Variants in ROBO2 observed in about 807,000 individuals in gnomAD.
ROBO2 encodes the protein roundabout homolog 2.
In ROBO2, 53 loss-of-function variants were observed where a neutral mutation model predicts 160.8. That is an observed-to-expected ratio of 0.33 (90% CI 0.26 to 0.41). The LOEUF is 0.41. Ranked by LOEUF, ROBO2 falls within the 10% of genes least tolerant of loss-of-function variation. The pLI is 1.00. For missense variants in ROBO2, 1,577 were observed against 1,722.4 expected (o/e 0.92, Z 1.49); for synonymous variants, 664 against 611.7 (o/e 1.09, Z -1.26).
At chr3:77,176,471 G>C (rs1181061565) in intron 2 of ROBO2, among the ~76,000 whole-genome samples, 1 of 151,904 alleles carries the variant, frequency 6.6e-6, no homozygotes, top group Non-Finnish European at 1.5e-5. Flanking sequence ...TTGATCAGGT[G>C]TTCACATATG....
At chr3:77,250,504 G>A (rs971798213) in intron 2 of ROBO2, among the ~76,000 whole-genome samples, 2 of 152,198 alleles carry the variant, frequency 1.3e-5, no homozygotes, top group African/African-American at 2.4e-5. Flanking sequence ...CAAAGTCTGT[G>A]TGTGCCATGA....
At chr3:77,318,774 A>G (rs1209610208) in intron 2 of ROBO2, among the ~76,000 whole-genome samples, 1 of 152,136 alleles carries the variant, frequency 6.6e-6, no homozygotes, top group Non-Finnish European at 1.5e-5. Context: ...TGTAAGTTGT[A>G]AGTGCTACCA....
intron 2 of ROBO2, among the ~76,000 whole-genome samples, chr3:76,975,873 A>T (rs963056563): frequency 6.6e-5 from 10 of 152,148 alleles, no homozygotes; most frequent in African/African-American, 2.2e-4. Flanking sequence ...TGTAAATTAT[A>T]TACATATATT....
At chr3:76,517,953 T>G (rs989854732) in intron 2 of ROBO2, among the ~76,000 whole-genome samples, 13 of 152,272 alleles carry the variant, frequency 8.5e-5, no homozygotes, top group African/African-American at 3.1e-4. Flanking sequence ...GTTCTGATGT[T>G]TATCATTCCA....
intron 2 of ROBO2, among the ~76,000 whole-genome samples, chr3:76,734,870 T>G (rs2107917212): frequency 6.6e-6 from 1 of 152,358 alleles, no homozygotes; most frequent in South Asian, 2.1e-4. Flanking sequence ...TGAATTCATC[T>G]ACTCCATTTT....
At chr3:77,081,087 G>T (rs757272738) in intron 1 of ROBO2, among the ~76,000 whole-genome samples, 1 of 151,994 alleles carries the variant, frequency 6.6e-6, no homozygotes, top group Non-Finnish European at 1.5e-5. Flanking sequence ...TGACATCTAT[G>T]GGCTAGTTTA....
chr3:75,951,596 A>G (rs1948537839), intron 2 of ROBO2, among the ~76,000 whole-genome samples: 1 of 152,044 alleles, frequency 6.6e-6, no homozygotes, highest in Admixed American at 6.6e-5. Context: ...AAATTAGCCT[A>G]AGTTAAGTTT....
At chr3:77,293,258 A>T (rs533353037) in intron 2 of ROBO2, among the ~76,000 whole-genome samples, 1 of 151,586 alleles carries the variant, frequency 6.6e-6, no homozygotes, top group Admixed American at 6.6e-5. Flanking sequence ...ATTGACGGTT[A>T]TACAGGTAAG....
intron 2 of ROBO2, among the ~76,000 whole-genome samples, chr3:76,246,279 A>G (rs528535757): frequency 1.3e-5 from 2 of 152,254 alleles, no homozygotes; most frequent in East Asian, 3.9e-4. Context: ...TTAATTTGCA[A>G]TGATTTCAGT....
At chr3:77,059,751 G>C (rs925317656) in intron 1 of ROBO2, among the ~76,000 whole-genome samples, 3 of 152,070 alleles carry the variant, frequency 2.0e-5, no homozygotes, top group African/African-American at 7.2e-5. Flanking sequence ...ATCACTCTCT[G>C]TCACTGTCTT....
chr3:76,923,476 T>G (rs1403538358), intron 2 of ROBO2, among the ~76,000 whole-genome samples: 1 of 152,172 alleles, frequency 6.6e-6, no homozygotes, highest in Non-Finnish European at 1.5e-5. Context: ...ATTAGCAAAA[T>G]AGAGTCTCTA....
intron 2 of ROBO2, among the ~76,000 whole-genome samples, chr3:76,305,979 G>A (rs749832094): frequency 5.3e-5 from 8 of 152,066 alleles, no homozygotes; most frequent in African/African-American, 7.2e-5. Context: ...CCTGTGCATC[G>A]CAGGGTGTGT....
intron 2 of ROBO2, among the ~76,000 whole-genome samples, chr3:76,064,956 C>T (rs914507595): frequency 1.3e-5 from 2 of 151,828 alleles, no homozygotes; most frequent in African/African-American, 4.8e-5. Flanking sequence ...ATATCTTTAT[C>T]ACAGGAGTAT....
intron 2 of ROBO2, among the ~76,000 whole-genome samples, chr3:76,398,535 C>T (rs2077613648): frequency 6.6e-6 from 1 of 151,438 alleles, no homozygotes. Context: ...ACGATCTTCC[C>T]CTGGCAATTT....
At chr3:77,484,091 T>G (rs1209629610) in intron 4 of ROBO2, among the ~76,000 whole-genome samples, 1 of 152,022 alleles carries the variant, frequency 6.6e-6, no homozygotes, top group Admixed American at 6.6e-5. Context: ...AATCACATAT[T>G]GTGGTTGATC....
chr3:77,217,503 C>T (rs1424209900), intron 2 of ROBO2, among the ~76,000 whole-genome samples: 1 of 152,182 alleles, frequency 6.6e-6, no homozygotes, highest in Non-Finnish European at 1.5e-5. Context: ...CCTGATTTAG[C>T]CATGTAACAT....
chr3:77,249,825 T>A (rs1307813583), intron 2 of ROBO2, among the ~76,000 whole-genome samples: 1 of 151,438 alleles, frequency 6.6e-6, no homozygotes, highest in Non-Finnish European at 1.5e-5. Flanking sequence ...TTATTATTAT[T>A]ATATAGGACC....
chr3:76,636,944 G>A (rs773148660), intron 2 of ROBO2, among the ~76,000 whole-genome samples: 13 of 95,406 alleles, frequency 1.4e-4, no homozygotes, highest in Non-Finnish European at 2.5e-4. Context: ...ATAGAGTGAT[G>A]GCAGGCCAAC....
At chr3:76,647,652 AT>A (rs941523278) in intron 2 of ROBO2, among the ~76,000 whole-genome samples, 4 of 152,016 alleles carry the variant, frequency 2.6e-5, no homozygotes, top group African/African-American at 9.7e-5. Flanking sequence ...AATGGCTGTA[AT>A]TTTTTTTATT....
Sources: allele counts gnomAD v4.1 joint callset (sites outside exome capture counted in the v4.1 genomes callset), GRCh38; gene constraint gnomAD v4.1.1; transcripts MANE v1.5; gene names NCBI Gene and HGNC (gene_info 2026-07-23, HGNC 2026-07-21).